Variants in PRKG1 observed in about 807,000 individuals in gnomAD.
PRKG1 encodes the protein protein kinase cGMP-dependent 1.
In PRKG1, 35 loss-of-function variants were observed where a neutral mutation model predicts 88.1. The observed-to-expected ratio is 0.40, with a 90% CI of 0.30 to 0.53. The LOEUF (loss-of-function observed/expected upper bound fraction) is 0.53. Among genes scored for constraint, PRKG1 ranks in the 20% least tolerant of loss-of-function variants. The pLI, the probability that PRKG1 is intolerant of heterozygous loss-of-function variation, is 0.59. For synonymous variants in PRKG1, 303 were observed against 292.5 expected, an observed-to-expected ratio of 1.04 and a Z score of -0.37; for missense variants, 540 against 839.8, an observed-to-expected ratio of 0.64 and a Z score of 4.41.
At chr10:51,905,589 T>C (rs1842069500) in intron 4 of PRKG1, among the ~76,000 whole-genome samples, 1 of 152,178 alleles carries the variant, frequency 6.6e-6, no homozygotes, top group Admixed American at 6.5e-5. Context: ...GAATTATATG[T>C]TGATAACCTT....
intron 2 of PRKG1, among the ~76,000 whole-genome samples, chr10:51,224,953 G>T (rs568418480): frequency 6.6e-6 from 1 of 152,200 alleles, no homozygotes; most frequent in South Asian, 2.1e-4. Flanking sequence ...CCTACCCCCT[G>T]CCCCAACTTC....
chr10:51,831,485 A>G (rs552245539), intron 4 of PRKG1, among the ~76,000 whole-genome samples: 228 of 152,342 alleles, frequency 1.5e-3, no homozygotes, highest in Non-Finnish European at 2.2e-3. Flanking sequence ...TAAGAGGAAA[A>G]CAATAAAACA....
chr10:51,899,627 C>T (rs886141754), intron 4 of PRKG1, among the ~76,000 whole-genome samples: 5 of 145,808 alleles, frequency 3.4e-5, no homozygotes, highest in African/African-American at 1.3e-4. Flanking sequence ...CATTGCACTC[C>T]AGCTTGGGCG....
intron 3 of PRKG1, among the ~76,000 whole-genome samples, chr10:51,642,595 A>T (rs565263331): frequency 5.9e-5 from 9 of 152,180 alleles, no homozygotes; most frequent in African/African-American, 1.7e-4. Context: ...TGATTTTTAT[A>T]TACAGTCTTG....
upstream of PRKG1, among the ~76,000 whole-genome samples, chr10:51,073,751 A>G (rs577328317): frequency 1.3e-5 from 2 of 152,118 alleles, no homozygotes; most frequent in African/African-American, 4.8e-5. Context: ...CCCTTTCCCA[A>G]AGGTAGTAGG....
intron 7 of PRKG1, among the ~76,000 whole-genome samples, chr10:52,098,802 C>T (rs2132561811): frequency 6.6e-6 from 1 of 152,144 alleles, no homozygotes; most frequent in East Asian, 1.9e-4. Context: ...ATTCCCAATC[C>T]CTGAAAAGTG....
intron 2 of PRKG1, among the ~76,000 whole-genome samples, chr10:51,425,702 G>A (rs1838558514): frequency 6.6e-6 from 1 of 152,070 alleles, no homozygotes; most frequent in Non-Finnish European, 1.5e-5. Context: ...GCCCAGCGTG[G>A]TTCAAAAGGC....
chr10:51,954,483 A>G (rs1011187687), intron 5 of PRKG1, among the ~76,000 whole-genome samples: 1 of 152,220 alleles, frequency 6.6e-6, no homozygotes, highest in Non-Finnish European at 1.5e-5. Flanking sequence ...GTACTTTCCT[A>G]TAAGAAACTC....
chr10:52,173,468 G>A (rs188238515), intron 9 of PRKG1, among the ~76,000 whole-genome samples: 16 of 152,280 alleles, frequency 1.1e-4, no homozygotes, highest in Admixed American at 9.8e-4. Flanking sequence ...TTAGAAAGAA[G>A]TGATTTGTAA....
intron 2 of PRKG1, among the ~76,000 whole-genome samples, chr10:51,286,661 A>T (rs566818657): frequency 1.9e-4 from 29 of 152,210 alleles, no homozygotes; most frequent in Non-Finnish European, 3.2e-4. Context: ...TAGTATATTC[A>T]TCATTTCAAA....
At chr10:51,260,173 C>T (rs988084778) in intron 2 of PRKG1, among the ~76,000 whole-genome samples, 9 of 152,080 alleles carry the variant, frequency 5.9e-5, no homozygotes, top group African/African-American at 2.2e-4. Flanking sequence ...TTGGAAACAG[C>T]TCCATACTTC....
chr10:51,223,165 TG>T (rs1838596801), intron 2 of PRKG1, among the ~76,000 whole-genome samples: 1 of 152,128 alleles, frequency 6.6e-6, no homozygotes, highest in Non-Finnish European at 1.5e-5. Flanking sequence ...TTGTACCCAT[TG>T]ATCTACATAT....
At chr10:52,069,072 C>A (rs1362833976) in intron 7 of PRKG1, among the ~76,000 whole-genome samples, 1 of 148,054 alleles carries the variant, frequency 6.8e-6, no homozygotes, top group Non-Finnish European at 1.5e-5. Flanking sequence ...CATGTTAATG[C>A]AAAAATGAAT....
chr10:51,123,674 C>T (rs1489818946), intron 1 of PRKG1, among the ~76,000 whole-genome samples: 1 of 137,590 alleles, frequency 7.3e-6, no homozygotes, highest in Non-Finnish European at 1.6e-5. Flanking sequence ...TCCTGGGCAA[C>T]AGATCGAGAC....
At chr10:51,465,280 T>C (rs1043500503) in intron 2 of PRKG1, among the ~76,000 whole-genome samples, 1 of 152,138 alleles carries the variant, frequency 6.6e-6, no homozygotes. Context: ...TCCAAAACTG[T>C]CTGGTAGAAT....
chr10:51,039,973 C>T (rs925308108), intron 1 of PRKG1, among the ~76,000 whole-genome samples: 2 of 152,140 alleles, frequency 1.3e-5, no homozygotes, highest in African/African-American at 4.8e-5. Flanking sequence ...ATTTTGGTTA[C>T]TATAGCTCTG....
intron 3 of PRKG1, among the ~76,000 whole-genome samples, chr10:51,665,096 T>C (rs939480644): frequency 5.9e-5 from 9 of 152,058 alleles, no homozygotes; most frequent in African/African-American, 2.2e-4. Flanking sequence ...CATTATTAAC[T>C]GAAAAAAAGA....
At chr10:51,111,044 G>A (rs1424028932) in intron 1 of PRKG1, among the ~76,000 whole-genome samples, 2 of 152,150 alleles carry the variant, frequency 1.3e-5, no homozygotes, top group Non-Finnish European at 2.9e-5. Context: ...GCAGATAGAT[G>A]AAGCTGTGTG....
intron 8 of PRKG1, among the ~76,000 whole-genome samples, chr10:52,158,855 G>A (rs759923124): frequency 7.9e-5 from 12 of 151,478 alleles, no homozygotes; most frequent in Middle Eastern, 3.4e-3. Context: ...TTATAATATA[G>A]AGTATGAATA....
Sources: gnomAD v4.1 joint callset for allele counts (sites outside exome capture counted in the v4.1 genomes callset) on GRCh38, gnomAD v4.1.1 for gene constraint, MANE v1.5 for transcripts, NCBI Gene and HGNC (gene_info 2026-07-23, HGNC 2026-07-21) for gene names.